PPP1R37: variants seen among roughly 807,000 people sequenced by gnomAD.
The protein encoded by PPP1R37 is protein phosphatase 1 regulatory subunit 37.
In PPP1R37, 21 loss-of-function variants were observed where a neutral mutation model predicts 61.0. That is an observed-to-expected ratio of 0.34 (90% CI 0.24 to 0.50). The LOEUF (loss-of-function observed/expected upper bound fraction) is 0.50, where lower values mean the gene tolerates loss of function less well. Ranked by LOEUF, PPP1R37 falls within the 20% of genes least tolerant of loss-of-function variation. The pLI is 0.98. For synonymous variants in PPP1R37, 443 were observed against 433.5 expected (o/e 1.02, Z -0.27); for missense variants, 910 against 952.7 (o/e 0.96, Z 0.59).
Position 45,093,214 on chromosome 19 carries a change from G to C in PPP1R37, c.-112G>C. Reference sequence around the variant, plus strand: ...ACCACTAGGAGAGCGGACGGAGGCGGCGCCTGAAGCGGCGGCGGAGCCCAT... The same window carrying C: ...ACCACTAGGAGAGCGGACGGAGGCGCCGCCTGAAGCGGCGGCGGAGCCCAT... On this transcript the variant is annotated 5_prime_UTR_variant, in exon 1 of 13. Transcript: ENST00000221462. The C allele has an allele frequency of 1.1e-6, 1 of 870,136 alleles. No individual in the cohort carries two copies. Among genetic ancestry groups the C allele is most frequent in the Non-Finnish European group, 1.6e-6 (1 of 634,420 alleles). The allele number at this position is 870,136 out of a possible 1,614,324, so 53.9% of individuals were successfully genotyped here.
chr19:45,142,628 G>T, intron 7 of PPP1R37, 170 bp downstream of exon 7: 1 of 687,390 alleles, frequency 1.5e-6, no homozygotes. Flanking sequence ...AACCTAGAGT[G>T]GGCAGGACTG....
chr19:45,115,368 C>G (rs1454979861), intron 1 of PPP1R37, among the ~76,000 whole-genome samples: 1 of 152,164 alleles, frequency 6.6e-6, no homozygotes, highest in Non-Finnish European at 1.5e-5. Flanking sequence ...TCAGGCCTAC[C>G]TGTGCTGTGT....
intron 1 of PPP1R37, among the ~76,000 whole-genome samples, chr19:45,102,570 C>T (rs1968077727): frequency 6.6e-6 from 1 of 152,168 alleles, no homozygotes. Context: ...GTTCCTGCCT[C>T]CCCCGGCTGT....
At chr19:45,124,597 AC>A (rs1162838025) in intron 1 of PPP1R37, among the ~76,000 whole-genome samples, 1 of 151,504 alleles carries the variant, frequency 6.6e-6, no homozygotes, top group Non-Finnish European at 1.5e-5. Context: ...CCAGACAAGA[AC>A]CCCTGGAGGG....
chr19:45,145,581 T>G lies in PPP1R37; in HGVS notation c.1525T>G (p.Ser509Ala). 1 of 1,535,496 alleles carries G rather than the reference T, an allele frequency of 6.5e-7. No homozygotes were observed. The highest frequency in any genetic ancestry group is 8.7e-7 in the Non-Finnish European group (1 of 1,146,710). The change falls in exon 11 of 13, where the codon TCG becomes GCG. Residue 509 changes from serine to alanine, a missense_variant. Around this residue, in one of 3 missense-constraint regions of PPP1R37, gnomAD observed 549 missense variants for 505.1 expected, o/e 1.09. Coordinates refer to ENST00000221462, the MANE Select transcript of PPP1R37 (RefSeq NM_019121.2). ...PAPSPDSDSD[S>A]DSDGEEEEEE... ...ACCCAGCCCGGACTCAGACTCAGAC[T>G]CGGACTCGGATGGGGAGGAAGAGGA...
At chr19:45,129,266 A>G (rs1968446866) in intron 1 of PPP1R37, among the ~76,000 whole-genome samples, 1 of 152,076 alleles carries the variant, frequency 6.6e-6, no homozygotes, top group East Asian at 1.9e-4. Context: ...TGCTCGCACT[A>G]CAGCCCTGGT....
At position 45,146,910 on chromosome 19, in the gene PPP1R37, GA is replaced by G; in HGVS notation, c.*349del. 5.8e-6 allele frequency: 1 copy of G among 173,136 alleles called. No homozygotes were observed. The highest frequency in any genetic ancestry group is 1.2e-5 in the Non-Finnish European group (1 of 80,268). The allele number at this position is 173,136 out of a possible 1,614,324, so 10.7% of individuals were successfully genotyped here. On this transcript the variant is annotated 3_prime_UTR_variant, in exon 13 of 13. Coordinates refer to ENST00000221462, the MANE Select transcript of PPP1R37 (RefSeq NM_019121.2). ...GGGCAGGCGTCCTGGGTGGTGGTGG[GA>G]TGGTCCCCTGTGGCCCCGGGCACAG...
chr19:45,137,322 T>C (rs1568449087), intron 1 of PPP1R37, among the ~76,000 whole-genome samples: 1 of 152,332 alleles, frequency 6.6e-6, no homozygotes, highest in African/African-American at 2.4e-5. Context: ...TTCAGCAGTA[T>C]AAAGGGACTG....
rs566970593 is a variant in PPP1R37 at position 45,111,672 on chromosome 19, A to G, written c.202+18145A>G. Among the ~76,000 whole-genome samples, 7 of 152,206 alleles carry G rather than the reference A, an allele frequency of 4.6e-5. No homozygotes were observed. The East Asian group carries it at 1.2e-3, about 25-fold the overall frequency. On this transcript the variant is annotated intron_variant, in intron 1 of 12. Transcript: ENST00000221462. ...ACCTGTGAGCCTCCCTCCTAATTTC[A>G]GAGTGAGAACATTGCCATTAACTCA...
rs1485696359 is a variant in PPP1R37, at chr19:45,145,824, C to G, written c.1768C>G (p.Pro590Ala). The G allele has an allele frequency of 7.6e-7, 1 of 1,307,306 alleles. No individual in the cohort carries two copies. The highest frequency in any genetic ancestry group is 2.5e-5 in the East Asian group (1 of 39,372). The allele number at this position is 1,307,306 out of a possible 1,614,324, so 81.0% of individuals were successfully genotyped here. A position where few individuals can be genotyped will look rare whatever the true frequency, so the allele number is the denominator to read the frequency against. ...AGAGCCCCCTGCGTCCCCCACCCCT[C>G]CCTCTCCCCCACCCCCTCCCTCCCC... ...RAEPPASPTP[P>A]SPPPPPSPPA... Residue 590 changes from proline (P) to alanine (A), a missense_variant, in exon 11 of 13, where the codon CCC (proline) becomes GCC (alanine). Pro to Ala is a conservative substitution (Grantham distance 27). Transcript: ENST00000221462.
intron 1 of PPP1R37, among the ~76,000 whole-genome samples, chr19:45,101,094 GAC>G (rs1157866067): frequency 6.6e-6 from 1 of 152,232 alleles, no homozygotes; most frequent in Non-Finnish European, 1.5e-5. Context: ...AAGTGAGGGA[GAC>G]ACACAGTAAA....
chr19:45,101,739 G>A (rs1968066037), intron 1 of PPP1R37, among the ~76,000 whole-genome samples: 1 of 152,174 alleles, frequency 6.6e-6, no homozygotes, highest in South Asian at 2.1e-4. Flanking sequence ...GAGGGGCATG[G>A]TGGGTGTTTT....
chr19:45,134,973 G>A (rs1031047280), intron 1 of PPP1R37, among the ~76,000 whole-genome samples: 3 of 152,138 alleles, frequency 2.0e-5, no homozygotes, highest in Non-Finnish European at 4.4e-5. Flanking sequence ...ATCTTGGCTG[G>A]GCACGGTGGC....
At chr19:45,139,325 G>T (rs1968579394) in intron 2 of PPP1R37, among the ~76,000 whole-genome samples, 1 of 152,216 alleles carries the variant, frequency 6.6e-6, no homozygotes, top group African/African-American at 2.4e-5. Context: ...TTGCCCCAAG[G>T]CCCCCTCCTC....
chr19:45,117,124 G>A (rs1044833650), intron 1 of PPP1R37, among the ~76,000 whole-genome samples: 33 of 152,054 alleles, frequency 2.2e-4, no homozygotes, highest in Non-Finnish European at 4.4e-5. Flanking sequence ...TATTGGTCAG[G>A]CTGGTCTCGA....
At chr19:45,108,574 CTT>C (rs1479758230) in intron 1 of PPP1R37, 1 of 149,582 alleles carries the variant, frequency 6.7e-6, no homozygotes, top group Non-Finnish European at 1.5e-5. Context: ...AAGATGGTGT[CTT>C]GTTTTAGCGA....
At position 45,144,848 on chromosome 19, in the gene PPP1R37, C is replaced by T. The variant is rs1371417537; in HGVS notation, c.988-6C>T. 5 of 1,527,270 alleles carry T rather than the reference C, an allele frequency of 3.3e-6. No homozygotes were observed. Among genetic ancestry groups the T allele is most frequent in the Non-Finnish European group, 2.6e-6 (3 of 1,141,760 alleles). 94.6% of individuals were successfully genotyped at this position (1,527,270 alleles called of 1,614,324 possible). The stretch of plus-strand genomic sequence containing the variant: ...TCCTCCTCACCCTCACACCCCCTCC[C>T]TCCAGCCGCACACTCAGAGCCTGGA... On this transcript the variant is annotated splice_polypyrimidine_tract_variant and splice_region_variant and intron_variant, in intron 8 of 12. Coordinates refer to ENST00000221462, the MANE Select transcript of PPP1R37 (RefSeq NM_019121.2).
chr19:45,097,270 G>T (rs1026284063), intron 1 of PPP1R37, among the ~76,000 whole-genome samples: 1 of 151,986 alleles, frequency 6.6e-6, no homozygotes, highest in Non-Finnish European at 1.5e-5. Flanking sequence ...TGTGGATCTA[G>T]TGGAAGGGTG....
At chr19:45,097,337 C>T (rs1465635713) in intron 1 of PPP1R37, among the ~76,000 whole-genome samples, 1 of 151,924 alleles carries the variant, frequency 6.6e-6, no homozygotes, top group Non-Finnish European at 1.5e-5. Context: ...AGGGGGGAGA[C>T]TCAGTTATCC....
Sources: allele counts gnomAD v4.1 joint callset (sites outside exome capture counted in the v4.1 genomes callset), GRCh38; gene constraint gnomAD v4.1.1; regional missense constraint gnomAD v4.1.1; transcripts MANE v1.5; gene names NCBI Gene and HGNC (gene_info 2026-07-23, HGNC 2026-07-21).